The following CNOT2 variants were observed in gnomAD, a reference collection of about 807,000 sequenced individuals.
The protein encoded by CNOT2 is CC chemokine receptor 4-negative regulator of transcription 2.
Under a neutral mutation model 72.1 loss-of-function variants are expected in CNOT2, and 7 were observed. The observed-to-expected ratio is 0.10, with a 90% CI of 0.06 to 0.18. CNOT2 has a LOEUF of 0.18. Among genes scored for constraint, CNOT2 ranks in the 10% least tolerant of loss-of-function variants. The pLI is 1.00. For missense variants in CNOT2, 345 were observed against 660.3 expected (o/e 0.52, Z 5.23); for synonymous variants, 196 against 225.6 (o/e 0.87, Z 1.17).
chr12:70,325,494 G>T (rs1013123106), intron 4 of CNOT2, among the ~76,000 whole-genome samples: 1 of 151,812 alleles, frequency 6.6e-6, no homozygotes, highest in Non-Finnish European at 1.5e-5. Context: ...CAAGAAATTG[G>T]ATCATTGTCT....
chr12:70,286,925 T>A (rs1190430281), intron 2 of CNOT2, among the ~76,000 whole-genome samples: 1 of 152,128 alleles, frequency 6.6e-6, no homozygotes, highest in Non-Finnish European at 1.5e-5. Context: ...TTTGTTGCTT[T>A]TCTTGGTTGT....
intron 2 of CNOT2, among the ~76,000 whole-genome samples, chr12:70,289,692 A>G (rs1257982484): frequency 1.3e-5 from 2 of 151,858 alleles, no homozygotes; most frequent in African/African-American, 4.8e-5. Context: ...AAGTTTGCTA[A>G]TCTTTTCTTC....
intron 2 of CNOT2, among the ~76,000 whole-genome samples, chr12:70,293,321 C>T (rs894372737): frequency 5.3e-5 from 8 of 151,842 alleles, no homozygotes; most frequent in Admixed American, 1.3e-4. Context: ...CCACCATGCC[C>T]GGCTAATTTT....
chr12:70,321,920 C>G (rs1878362726), intron 4 of CNOT2: 1 of 151,690 alleles, frequency 6.6e-6, no homozygotes, highest in Admixed American at 6.6e-5. Flanking sequence ...CCTGTATGGT[C>G]TTCAGTTCTA....
chr12:70,295,239 C>T (rs980663785), intron 2 of CNOT2, among the ~76,000 whole-genome samples: 3 of 152,096 alleles, frequency 2.0e-5, no homozygotes, highest in African/African-American at 7.2e-5. Flanking sequence ...CCCATGGTTG[C>T]TAAGTTTCTT....
intron 3 of CNOT2, 21 bp downstream of exon 3, chr12:70,311,038 G>T (rs1287958220): frequency 6.4e-7 from 1 of 1,568,166 alleles, no homozygotes; most frequent in Non-Finnish European, 8.7e-7. Context: ...CAATTATGTT[G>T]TATTTTTTCA....
intron 2 of CNOT2, among the ~76,000 whole-genome samples, chr12:70,279,119 T>C (rs1316567453): frequency 6.6e-6 from 1 of 152,176 alleles, no homozygotes; most frequent in East Asian, 1.9e-4. Context: ...CACACTTCCT[T>C]TCACTCATCA....
In CNOT2 at chr12:70,264,679, T is replaced by C. The variant is rs534193504; in HGVS notation, c.-95-13453T>C. Among the ~76,000 whole-genome samples the C allele has an allele frequency of 3.3e-5, 5 of 152,234 alleles. No individual in the cohort carries two copies. The South Asian group carries it at 1.0e-3, about 32-fold the overall frequency. On this transcript the variant is annotated intron_variant, in intron 1 of 15. Transcript: ENST00000229195. ...GCCTGTCTGTCCTGGAGAGATACTC[T>C]AACCCTTGACTGGAAACTAGGCAGG...
chr12:70,283,467 T>A (rs201818676), intron 2 of CNOT2, among the ~76,000 whole-genome samples: 12 of 142,458 alleles, frequency 8.4e-5, no homozygotes, highest in South Asian at 2.3e-4. Context: ...GTCAGTCGAT[T>A]GATAGATAGA....
At chr12:70,254,115 G>T (rs768245927) in intron 1 of CNOT2, among the ~76,000 whole-genome samples, 6 of 151,890 alleles carry the variant, frequency 4.0e-5, no homozygotes, top group Non-Finnish European at 7.4e-5. Flanking sequence ...GCACGCGCCT[G>T]TAGTCCTAGC....
In CNOT2 at chr12:70,278,225, C is replaced by G; in HGVS notation, c.-2C>G. ...GGTACTGTGAGGAAAGGACACGACT[C>G]TATGGTGAGGACTGATGGACATACA... On this transcript the variant is annotated 5_prime_UTR_variant, in exon 2 of 16. Coordinates refer to ENST00000229195, the MANE Select transcript of CNOT2 (RefSeq NM_014515.7). The G allele has an allele frequency of 6.2e-7, 1 of 1,610,734 alleles. No individual in the cohort carries two copies. The highest frequency in any genetic ancestry group is 8.5e-7 in the Non-Finnish European group (1 of 1,177,092).
chr12:70,286,575 C>T (rs1870933960), intron 2 of CNOT2, among the ~76,000 whole-genome samples: 1 of 149,796 alleles, frequency 6.7e-6, no homozygotes. Context: ...GCATGGATTT[C>T]TTATGTCTCT....
intron 2 of CNOT2, among the ~76,000 whole-genome samples, chr12:70,305,873 G>GTTTTTTTTTTTTTTT (rs11412509): frequency 2.0e-4 from 12 of 60,090 alleles, no homozygotes; most frequent in Admixed American, 4.6e-4. Flanking sequence ...TCTGAAGTTT[G>GTTTTTTTTTTTTTTT]TTTTTTTTTT....
At chr12:70,313,349 G>A (rs994889789) in intron 3 of CNOT2, among the ~76,000 whole-genome samples, 1 of 151,860 alleles carries the variant, frequency 6.6e-6, no homozygotes, top group African/African-American at 2.4e-5. Flanking sequence ...CTTGGTATAT[G>A]TAGTATACGT....
At chr12:70,303,562 T>G (rs1401998020) in intron 2 of CNOT2, among the ~76,000 whole-genome samples, 2 of 152,244 alleles carry the variant, frequency 1.3e-5, no homozygotes, top group Admixed American at 1.3e-4. Context: ...TCTTCTGGCT[T>G]GTAGAGTTTC....
intron 3 of CNOT2, among the ~76,000 whole-genome samples, chr12:70,311,389 C>G (rs1876428326): frequency 1.3e-5 from 2 of 151,888 alleles, no homozygotes; most frequent in African/African-American, 4.8e-5. Context: ...TTTACGCAGA[C>G]TTGAAGATAT....
intron 2 of CNOT2, among the ~76,000 whole-genome samples, chr12:70,293,022 T>A (rs1308393324): frequency 6.6e-6 from 1 of 152,228 alleles, no homozygotes; most frequent in Non-Finnish European, 1.5e-5. Context: ...CTATTTATGC[T>A]ATTGAACAGA....
intron 4 of CNOT2, chr12:70,321,749 A>G (rs1878335097): frequency 6.6e-6 from 1 of 151,602 alleles, no homozygotes; most frequent in South Asian, 2.1e-4. Context: ...GAGATATAGA[A>G]GGAAGAGTGC....
intron 3 of CNOT2, among the ~76,000 whole-genome samples, chr12:70,311,384 G>A (rs765358040): frequency 1.4e-4 from 21 of 152,034 alleles, no homozygotes; most frequent in Non-Finnish European, 2.9e-4. Context: ...GCAGATTTAC[G>A]CAGACTTGAA....
Sources: allele counts gnomAD v4.1 joint callset (sites outside exome capture counted in the v4.1 genomes callset), GRCh38; gene constraint gnomAD v4.1.1; transcripts MANE v1.5; gene names NCBI Gene and HGNC (gene_info 2026-07-23, HGNC 2026-07-21).